TEX10: variants seen among roughly 807,000 people sequenced by gnomAD.
The protein encoded by TEX10 is testis expressed 10, also known as testis-expressed protein 10.
Under a neutral mutation model 104.4 loss-of-function variants are expected in TEX10, and 24 were observed. The ratio of observed to expected loss-of-function variants is 0.23; its 90% confidence interval spans 0.17 to 0.32. TEX10 has a LOEUF of 0.32. Among genes scored for constraint, TEX10 ranks in the 10% least tolerant of loss-of-function variants. The pLI is 1.00. For missense variants in TEX10, 921 were observed against 1,083.9 expected (o/e 0.85, Z 2.11); for synonymous variants, 396 against 393.4 (o/e 1.01, Z -0.08).
chr9:100,330,994 G>A (rs1322424631), intron 5 of TEX10, among the ~76,000 whole-genome samples: 1 of 152,022 alleles, frequency 6.6e-6, no homozygotes, highest in African/African-American at 2.4e-5. Context: ...GGGAGCTCAC[G>A]CCCGTAATCC....
intron 11 of TEX10, among the ~76,000 whole-genome samples, chr9:100,313,946 A>T (rs1351515399): frequency 6.6e-6 from 1 of 152,110 alleles, no homozygotes; most frequent in Non-Finnish European, 1.5e-5. Flanking sequence ...GTGTCACAGA[A>T]TGAATTAAGG....
chr9:100,310,656 T>G (rs900507264), intron 11 of TEX10, among the ~76,000 whole-genome samples: 1 of 152,166 alleles, frequency 6.6e-6, no homozygotes, highest in Non-Finnish European at 1.5e-5. Flanking sequence ...CAGGCTTGTC[T>G]TAAACTCCTG....
rs1453471900 is a variant in TEX10, at chr9:100,351,363, T to TTA, written c.-10+1408_-10+1409insTA. Among the ~76,000 whole-genome samples, 23 of 23,534 alleles carry TTA rather than the reference T, an allele frequency of 9.8e-4. 2 individuals carry two copies. Among genetic ancestry groups the TTA allele is most frequent in the African/African-American group, 9.6e-4 (5 of 5,190 alleles). The allele number at this position is 23,534 out of a possible 152,430, so 15.4% of individuals were successfully genotyped here. A position where few individuals can be genotyped will look rare whatever the true frequency, so the allele number is the denominator to read the frequency against. Reference sequence around the variant, plus strand: ...CCCACACCTCTAGTTACCTTAGTCTTAAAAAACAAAACAAAACAAAAAAAA... The same window carrying TTA: ...CCCACACCTCTAGTTACCTTAGTCTTTAAAAAAACAAAACAAAACAAAAAAAA... On this transcript the variant is annotated intron_variant, in intron 1 of 14. Coordinates refer to ENST00000374902, the MANE Select transcript of TEX10 (RefSeq NM_017746.4).
At chr9:100,328,317 T>G (rs1200318736) in intron 7 of TEX10, among the ~76,000 whole-genome samples, 1 of 152,230 alleles carries the variant, frequency 6.6e-6, no homozygotes, top group African/African-American at 2.4e-5. Flanking sequence ...TGTGCTATTT[T>G]TATTTCTTTA....
chr9:100,310,216 C>G, intron 12 of TEX10, 83 bp downstream of exon 12: 1 of 1,089,058 alleles, frequency 9.2e-7, no homozygotes, highest in South Asian at 1.4e-5. Context: ...TCCAGACATG[C>G]TCTTTCTGGG....
At chr9:100,331,364 G>A (rs1364622834) in intron 5 of TEX10, among the ~76,000 whole-genome samples, 1 of 152,228 alleles carries the variant, frequency 6.6e-6, no homozygotes, top group African/African-American at 2.4e-5. Flanking sequence ...TTAAGCCCAG[G>A]AGTTTGAGGT....
In TEX10 at chr9:100,346,089, C is replaced by T. The variant is rs754405728; in HGVS notation, c.1120G>A (p.Asp374Asn). The T allele has an allele frequency of 6.2e-7, 1 of 1,613,186 alleles. No individual in the cohort carries two copies. The highest frequency in any genetic ancestry group is 1.3e-5 in the African/African-American group (1 of 74,988). ...GTTCTCACCAATTTATGGGTTTCATCCTGTTGTTTAGAGAGTTTCCACAGA... is the reference window on the plus strand; with the variant it reads ...GTTCTCACCAATTTATGGGTTTCATTCTGTTGTTTAGAGAGTTTCCACAGA... ...SLLWKLSKQQ[D>N]ETHKLESWLR... Residue 374 changes from aspartate (D) to asparagine (N), a missense_variant, in exon 4 of 15, where the codon GAT becomes AAT. By Grantham distance (23) the Asp-to-Asn change is conservative. Coordinates refer to ENST00000374902, the MANE Select transcript of TEX10 (RefSeq NM_017746.4).
At chr9:100,336,098 T>A (rs530744758) in intron 5 of TEX10, among the ~76,000 whole-genome samples, 1 of 151,610 alleles carries the variant, frequency 6.6e-6, no homozygotes, top group East Asian at 1.9e-4. Context: ...ACTCAGGAGG[T>A]GGAGGTTGCA....
At position 100,310,346 on chromosome 9, in the gene TEX10, G is replaced by A. The variant is rs1270452246; in HGVS notation, c.2236C>T (p.Arg746Ter). Reference sequence around the variant, plus strand: ...TGCAAGATGTCAAAGTTCTGACTTCGGGCAGGAATAACCAATAAACTGTGA... The same window carrying A: ...TGCAAGATGTCAAAGTTCTGACTTCAGGCAGGAATAACCAATAAACTGTGA... ...VFHSLLVIPA[R>*]SQNFDILQSA... Residue 746 changes from arginine (R) to a stop codon, truncating the protein, a stop_gained, in exon 12 of 15, where the codon CGA (arginine) becomes TGA (stop). Transcript: ENST00000374902. LOFTEE classifies it high-confidence loss of function. 1.2e-6 allele frequency: 2 copies of A among 1,613,908 alleles called. No individual in the cohort carries two copies. The highest frequency in any genetic ancestry group is 1.7e-6 in the Non-Finnish European group (2 of 1,179,956).
At chr9:100,328,765 T>C (rs1834772440) in intron 7 of TEX10, among the ~76,000 whole-genome samples, 1 of 152,184 alleles carries the variant, frequency 6.6e-6, no homozygotes, top group African/African-American at 2.4e-5. Context: ...CCAGAAACTT[T>C]CTCATCTTCT....
intron 8 of TEX10, among the ~76,000 whole-genome samples, chr9:100,327,369 C>G (rs13287099): frequency 0.013 from 1,897 of 150,704 alleles, 21 homozygotes; most frequent in African/African-American, 0.022. Context: ...ATACATACAT[C>G]CCAGTTATGT....
At chr9:100,316,908 A>AAC (rs1834433391) in intron 11 of TEX10, among the ~76,000 whole-genome samples, 1 of 149,696 alleles carries the variant, frequency 6.7e-6, no homozygotes, top group African/African-American at 2.5e-5. Flanking sequence ...AAAAAAAAAA[A>AAC]AAAAAAAACC....
At chr9:100,303,562 TC>T (rs1173680890) in intron 14 of TEX10, 69 bp downstream of exon 14, 36 of 1,536,650 alleles carry the variant, frequency 2.3e-5, no homozygotes, top group Admixed American at 1.5e-4. Context: ...AAACACACTT[TC>T]CCCCATGCCC....
At chr9:100,302,524 T>C (rs1407459851) in intron 14 of TEX10, among the ~76,000 whole-genome samples, 1 of 152,232 alleles carries the variant, frequency 6.6e-6, no homozygotes, top group Non-Finnish European at 1.5e-5. Flanking sequence ...AATGGTTTCT[T>C]GTTAAGTCTG....
chr9:100,332,484 T>A (rs972806823), intron 5 of TEX10, among the ~76,000 whole-genome samples: 18 of 152,182 alleles, frequency 1.2e-4, no homozygotes, highest in Admixed American at 3.9e-4. Context: ...AGATCTCTGA[T>A]GAAACTTTAA....
chr9:100,316,903 A>AC (rs1834432158), intron 11 of TEX10, among the ~76,000 whole-genome samples: 3 of 148,752 alleles, frequency 2.0e-5, no homozygotes, highest in Non-Finnish European at 3.0e-5. Context: ...CTAAAAAAAA[A>AC]AAAAAAAAAA....
intron 8 of TEX10, among the ~76,000 whole-genome samples, 179 bp downstream of exon 8, chr9:100,327,608 T>C (rs950550467): frequency 6.4e-4 from 97 of 152,272 alleles, no homozygotes; most frequent in African/African-American, 2.3e-3. Flanking sequence ...TAACCTTCTA[T>C]ATTCTAATAA....
chr9:100,317,451 T>G lies in TEX10; in HGVS notation c.2202+2814A>C, dbSNP rs1335385105. Reference sequence around the variant, plus strand: ...AAAATTGGAATGTCATGCAGAAAAATGAAACTGAATCTCTCTTACAATATA... The same window carrying G: ...AAAATTGGAATGTCATGCAGAAAAAGGAAACTGAATCTCTCTTACAATATA... On this transcript the variant is annotated intron_variant, in intron 11 of 14. Transcript: ENST00000374902. 2.0e-5 allele frequency among the ~76,000 whole-genome samples: 3 copies of G among 151,962 alleles called. No individual in the cohort carries two copies. The East Asian group carries it at 5.8e-4, about 29-fold the overall frequency.
chr9:100,335,529 T>A (rs549494357), intron 5 of TEX10, among the ~76,000 whole-genome samples: 13 of 152,190 alleles, frequency 8.5e-5, no homozygotes, highest in Admixed American at 8.5e-4. Flanking sequence ...CAATTATTTA[T>A]GTTTACTGCT....
Sources: allele counts gnomAD v4.1 joint callset (sites outside exome capture counted in the v4.1 genomes callset), GRCh38; gene constraint gnomAD v4.1.1; transcripts MANE v1.5; gene names NCBI Gene and HGNC (gene_info 2026-07-23, HGNC 2026-07-21).